SAMD11: variants seen among roughly 807,000 people sequenced by gnomAD.
SAMD11 encodes the protein sterile alpha motif domain containing 11.
A neutral mutation model predicts 64.4 loss-of-function variants in SAMD11; 77 were observed. The observed-to-expected ratio is 1.20, with a 90% CI of 0.99 to 1.44. The LOEUF is 1.44. SAMD11 is among the 40% of genes most tolerant of loss of function. The probability of loss-of-function intolerance (pLI) is 0.00; values close to 1 mark genes in which losing one functional copy is unlikely to be tolerated. For missense variants in SAMD11, 1,402 were observed against 943.3 expected, an observed-to-expected ratio of 1.49 and a Z score of -6.37; for synonymous variants, 658 against 421.9, an observed-to-expected ratio of 1.56 and a Z score of -6.86.
At chr1:936,473 G>GGGAGGGAAGGGATCCGGC (rs2100333253) in intron 5 of SAMD11, among the ~76,000 whole-genome samples, 1 of 152,210 alleles carries the variant, frequency 6.6e-6, no homozygotes, top group Admixed American at 6.5e-5. Flanking sequence ...TGGGGTTCTC[G>GGGAGGGAAGGGATCCGGC]GGAGGGAAGG....
At chr1:929,395 G>A (rs911345647) in intron 2 of SAMD11, among the ~76,000 whole-genome samples, 6 of 152,218 alleles carry the variant, frequency 3.9e-5, no homozygotes, top group African/African-American at 1.4e-4. Flanking sequence ...GGCTGGTGAG[G>A]GCTCCTCGTC....
intron 2 of SAMD11, among the ~76,000 whole-genome samples, chr1:926,998 C>G (rs757741185): frequency 2.4e-4 from 37 of 152,014 alleles, no homozygotes; most frequent in Non-Finnish European, 4.6e-4. Context: ...CCATGAGTGC[C>G]GTAGCCAGGG....
Position 931,044 on chromosome 1 carries a change from A to G in SAMD11, c.797A>G (p.His266Arg), listed in dbSNP as rs1179305230. Residue 266 changes from histidine (H) to arginine (R), a missense_variant, in exon 4 of 14, where the codon CAC becomes CGC. Coordinates refer to ENST00000616016, the MANE Select transcript of SAMD11 (RefSeq NM_001385641.1). ...TTCTGCTTCCCTTCCTGCAGAGTCCACACCCACTGGGACGTGAACATCTCT... is the reference window on the plus strand; with the variant it reads ...TTCTGCTTCCCTTCCTGCAGAGTCCGCACCCACTGGGACGTGAACATCTCT... ...PHIRIMKRRVHTHWDVNISFR... is the reference protein window; with the variant it reads ...PHIRIMKRRVRTHWDVNISFR... 6.2e-7 allele frequency: 1 copy of G among 1,612,776 alleles called. No individual in the cohort carries two copies. Among genetic ancestry groups the G allele is most frequent in the African/African-American group, 1.3e-5 (1 of 74,918 alleles).
intron 4 of SAMD11, among the ~76,000 whole-genome samples, chr1:933,660 T>C (rs1641272829): frequency 6.6e-6 from 1 of 152,154 alleles, no homozygotes; most frequent in Non-Finnish European, 1.5e-5. Flanking sequence ...CCGCGTCGAT[T>C]AGGATCATGG....
chr1:942,631 G>T lies in SAMD11; in HGVS notation c.1626G>T (p.Glu542Asp). Reference sequence around the variant, plus strand: ...CGCGCCCACAGCTGCTGGCGCCCGAGACCGCCCTGCGCCCCAACGACGGCG... The same window carrying T: ...CGCGCCCACAGCTGCTGGCGCCCGATACCGCCCTGCGCCCCAACGACGGCG... ...ESARPQLLAP[E>D]TALRPNDGAE... Residue 542 changes from glutamate (E) to aspartate (D), a missense_variant, in exon 11 of 14, where the codon GAG (glutamate) becomes GAT (aspartate). Glu to Asp is a conservative substitution (Grantham distance 45, BLOSUM62 2). Coordinates refer to ENST00000616016, the MANE Select transcript of SAMD11 (RefSeq NM_001385641.1). 9.0e-6 allele frequency: 13 copies of T among 1,439,914 alleles called. No homozygotes were observed. Among genetic ancestry groups the T allele is most frequent in the Non-Finnish European group, 1.2e-5 (13 of 1,103,582 alleles). 89.2% of individuals were successfully genotyped at this position (1,439,914 alleles called of 1,614,324 possible). A position where few individuals can be genotyped will look rare whatever the true frequency, so the allele number is the denominator to read the frequency against.
chr1:942,432 G>T lies in SAMD11; in HGVS notation c.1497G>T (p.Ala499=). ...QTPGYGFLPP[A]QAEMFAWQQE... is the part of the protein sequence containing the mutation. Reference sequence around the variant, plus strand: ...CAGGCTACGGCTTCCTGCCCCCCGCGCAGGCGGAGATGTTCGCCTGGCAGC... The same window carrying T: ...CAGGCTACGGCTTCCTGCCCCCCGCTCAGGCGGAGATGTTCGCCTGGCAGC... Residue 499 remains alanine (A), a synonymous_variant, in exon 10 of 14, where the codon GCG becomes GCT. Transcript: ENST00000616016. 6.8e-7 allele frequency: 1 copy of T among 1,480,570 alleles called. No homozygotes were observed. Among genetic ancestry groups the T allele is most frequent in the Non-Finnish European group, 8.9e-7 (1 of 1,121,330 alleles). The allele number at this position is 1,480,570 out of a possible 1,614,324, so 91.7% of individuals were successfully genotyped here.
At position 942,931 on chromosome 1, in the gene SAMD11, T is replaced by G. The variant is rs1447991290; in HGVS notation, c.1926T>G (p.Val642=). ...GAGAGGACCCCGAGACGGCAGCTGT[T>G]GGGTGCAGGGGGCCCACTCCGGGCC... is the stretch of plus-strand genomic sequence containing the variant. The part of the protein sequence containing the change: ...SDGEDPETAA[V]GCRGPTPGQA... Residue 642 remains valine, a synonymous_variant, in exon 11 of 14, where the codon GTT becomes GTG. Coordinates refer to ENST00000616016, the MANE Select transcript of SAMD11 (RefSeq NM_001385641.1). The G allele has an allele frequency of 4.5e-6, 7 of 1,552,374 alleles. No homozygotes were observed. In the African/African-American group the frequency reaches 8.3e-5, roughly 18 times the overall value.
intron 8 of SAMD11, 125 bp from the exon 9 acceptor site, chr1:942,011 C>T (rs1641801299): frequency 2.4e-6 from 1 of 410,420 alleles, no homozygotes; most frequent in East Asian, 3.7e-5. Context: ...GACCTGGGGC[C>T]GTAACGAGCT....
In SAMD11 at chr1:926,102, C is replaced by A; in HGVS notation, c.609+89C>A. On this transcript the variant is annotated intron_variant, in intron 2 of 13. Transcript: ENST00000616016. ...TTTCAGGGTTTTCAGGATCGAGAGT[C>A]CTAACCTCACCCCTGCGGGTGTGCT... is the stretch of plus-strand genomic sequence containing the variant. The A allele has an allele frequency of 3.2e-6, 4 of 1,256,300 alleles. No homozygotes were observed. The Admixed American group carries it at 5.3e-5, about 17-fold the overall frequency. The allele number at this position is 1,256,300 out of a possible 1,614,324, so 77.8% of individuals were successfully genotyped here.
In SAMD11 at chr1:942,833, T is replaced by C. The variant is rs1350568340; in HGVS notation, c.1828T>C (p.Ser610Pro). ...CCCTGCCTCAGCGCGGCCCAGCGAG[T>C]CCAAGGAGATGACGGGGGCTAGGCT... Reference protein sequence around the residue: ...PGPASARPSESKEMTGARLWA... With the variant: ...PGPASARPSEPKEMTGARLWA... Residue 610 changes from serine to proline, a missense_variant, in exon 11 of 14, where the codon TCC becomes CCC. Coordinates refer to ENST00000616016, the MANE Select transcript of SAMD11 (RefSeq NM_001385641.1). The C allele has an allele frequency of 6.5e-6, 10 of 1,547,130 alleles. No individual in the cohort carries two copies. The highest frequency in any genetic ancestry group is 8.7e-6 in the Non-Finnish European group (10 of 1,145,922).
At chr1:941,000 G>A (rs1641730382) in intron 7 of SAMD11, 144 bp from the exon 8 acceptor site, 4 of 655,932 alleles carry the variant, frequency 6.1e-6, no homozygotes, top group Admixed American at 3.1e-5. Flanking sequence ...CCATCCTCCT[G>A]CCCCGTGCCC....
intron 11 of SAMD11, 47 bp from the exon 12 acceptor site, chr1:943,206 G>T: frequency 6.2e-7 from 1 of 1,610,748 alleles, no homozygotes; most frequent in Non-Finnish European, 8.5e-7. Flanking sequence ...AGACGGGCGG[G>T]TATGGGAAAG....
chr1:925,847 G>C (rs1557598695), intron 1 of SAMD11, 75 bp from the exon 2 acceptor site: 1 of 1,039,968 alleles, frequency 9.6e-7, no homozygotes, highest in Admixed American at 1.7e-5. Context: ...CCGGGGAGGG[G>C]GTACTGGCCC....
Position 944,122 on chromosome 1 carries a change from G to T in SAMD11, c.2504G>T (p.Gly835Val), listed in dbSNP as rs1451908293. Residue 835 changes from glycine to valine, a missense_variant, in exon 14 of 14, where the codon GGG (glycine) becomes GTG (valine). Gly to Val is a moderately radical substitution (Grantham distance 109). Coordinates refer to ENST00000616016, the MANE Select transcript of SAMD11 (RefSeq NM_001385641.1). The part of the protein sequence containing the change: ...QENGTLALLP[G>V]APDPSQPLC ...AATGGGACCTTGGCTCTACTTCCAG[G>T]GGCCCCCGACCCTTCCCAGCCTCTG... 6.3e-7 allele frequency: 1 copy of T among 1,599,568 alleles called. No homozygotes were observed. Among genetic ancestry groups the T allele is most frequent in the Admixed American group, 1.7e-5 (1 of 59,016 alleles).
chr1:929,538 C>T (rs946063135), intron 2 of SAMD11, among the ~76,000 whole-genome samples: 7 of 152,202 alleles, frequency 4.6e-5, no homozygotes, highest in South Asian at 2.1e-4. Context: ...AAAGGGCATT[C>T]GCTTGTCAAC....
chr1:935,956 G>A (rs1641411828), intron 5 of SAMD11, 60 bp downstream of exon 5: 9 of 1,541,518 alleles, frequency 5.8e-6, no homozygotes, highest in Admixed American at 3.7e-5. Context: ...GGACGGTGGC[G>A]TCTCCACTCA....
At chr1:935,397 G>A (rs931785207) in intron 4 of SAMD11, among the ~76,000 whole-genome samples, 2 of 152,160 alleles carry the variant, frequency 1.3e-5, no homozygotes, top group African/African-American at 4.8e-5. Flanking sequence ...CTGCAGGACT[G>A]CCCCTGAGCA....
In SAMD11 at chr1:942,708, C is replaced by T. The variant is rs1183551755; in HGVS notation, c.1703C>T (p.Ala568Val). Residue 568 changes from alanine (A) to valine (V), a missense_variant, in exon 11 of 14, where the codon GCG becomes GTG. Transcript: ENST00000616016. ...CTGCTGGTGCTGAACCACGGCGCGG[C>T]GCCACTGCTGGCCCTGCCCCCCCAG... The part of the protein sequence containing the change: ...GALLVLNHGA[A>V]PLLALPPQGP... The T allele has an allele frequency of 1.4e-6, 2 of 1,441,952 alleles. No homozygotes were observed. The highest frequency in any genetic ancestry group is 1.8e-6 in the Non-Finnish European group (2 of 1,109,132). The allele number at this position is 1,441,952 out of a possible 1,614,324, so 89.3% of individuals were successfully genotyped here. A position where few individuals can be genotyped will look rare whatever the true frequency, so the allele number is the denominator to read the frequency against.
intron 4 of SAMD11, among the ~76,000 whole-genome samples, chr1:932,153 T>C (rs1262270225): frequency 6.6e-6 from 1 of 152,264 alleles, no homozygotes; most frequent in East Asian, 1.9e-4. Context: ...GCTCACCTGA[T>C]CATTTTTATG....
Sources: gnomAD v4.1 joint callset for allele counts (sites outside exome capture counted in the v4.1 genomes callset) on GRCh38, gnomAD v4.1.1 for gene constraint, MANE v1.5 for transcripts, NCBI Gene and HGNC (gene_info 2026-07-23, HGNC 2026-07-21) for gene names.